The following DNAH6 variants were observed in gnomAD, a reference collection of about 807,000 sequenced individuals.
DNAH6 encodes the protein axonemal beta dynein heavy chain 6.
DNAH6 carries 340 observed loss-of-function variants against 491.4 expected under a neutral mutation model. The observed-to-expected ratio is 0.69, with a 90% CI of 0.63 to 0.76. The LOEUF (loss-of-function observed/expected upper bound fraction) is 0.76, where lower values mean the gene tolerates loss of function less well. Ranked by LOEUF, DNAH6 falls within the 30% of genes least tolerant of loss-of-function variation. DNAH6 has a pLI of 0.00. For missense variants in DNAH6, 4,443 were observed against 4,972.2 expected, an observed-to-expected ratio of 0.89 and a Z score of 3.20; for synonymous variants, 1,603 against 1,686.1, an observed-to-expected ratio of 0.95 and a Z score of 1.21.
the DNAH6 span, among the ~76,000 whole-genome samples, chr2:84,500,451 A>G: frequency 6.6e-6 from 1 of 152,206 alleles, no homozygotes; most frequent in African/African-American, 2.4e-5. Flanking sequence ...TATAAACTGA[A>G]GTCAGGTAAT....
chr2:84,733,808 A>G (rs1699307589), intron 62 of DNAH6, among the ~76,000 whole-genome samples: 1 of 151,690 alleles, frequency 6.6e-6, no homozygotes, highest in Admixed American at 6.6e-5. Context: ...CACACACCAT[A>G]TATTTTATGT....
At chr2:84,490,205 G>A in the DNAH6 span, among the ~76,000 whole-genome samples, 1 of 143,348 alleles carries the variant, frequency 7.0e-6, no homozygotes, top group Non-Finnish European at 1.5e-5. Flanking sequence ...TCATGTTATT[G>A]CTGAACTTCT....
Position 84,745,639 on chromosome 2 carries a change from C to A in DNAH6, c.10512+390C>A, listed in dbSNP as rs192831102. Among the ~76,000 whole-genome samples the A allele has an allele frequency of 9.4e-4, 138 of 146,462 alleles. No homozygotes were observed. In the South Asian group the frequency reaches 0.01, roughly 11 times the overall value. On this transcript the variant is annotated intron_variant, in intron 63 of 76. Coordinates refer to ENST00000389394, the MANE Select transcript of DNAH6 (RefSeq NM_001370.2). ...CGAGATCGCGCCACTGCACTCCAGC[C>A]TGGGCAACAGAGCGAGACACTGTCT...
chr2:84,579,985 G>A (rs1573088362), intron 14 of DNAH6, among the ~76,000 whole-genome samples: 1 of 152,158 alleles, frequency 6.6e-6, no homozygotes, highest in Non-Finnish European at 1.5e-5. Flanking sequence ...AAAACAGGAT[G>A]TGTGATCCGA....
the DNAH6 span, among the ~76,000 whole-genome samples, chr2:84,471,181 C>G: frequency 6.6e-6 from 1 of 152,142 alleles, no homozygotes; most frequent in Non-Finnish European, 1.5e-5. Flanking sequence ...AACATGCTCC[C>G]CTTCTCTTTT....
At position 84,745,150 on chromosome 2, in the gene DNAH6, C is replaced by T; in HGVS notation, c.10413C>T (p.His3471=). 1 of 1,549,020 alleles carries T rather than the reference C, an allele frequency of 6.5e-7. No individual in the cohort carries two copies. ...CTAAAATGAAACACGAAGATAAACA[C>T]ATGAGACAGGAAAAGGAGGCAGCAC... The part of the protein sequence containing the change: ...GYSKMKHEDK[H]MRQEKEAAHQ... Residue 3471 remains histidine (H), a synonymous_variant, in exon 63 of 77, where the codon CAC becomes CAT. Coordinates refer to ENST00000389394, the MANE Select transcript of DNAH6 (RefSeq NM_001370.2).
chr2:84,621,753 T>G (rs957681238), intron 26 of DNAH6, among the ~76,000 whole-genome samples: 2 of 152,186 alleles, frequency 1.3e-5, no homozygotes, highest in African/African-American at 4.8e-5. Flanking sequence ...TGTGTAGTAT[T>G]TATGTGAATA....
At chr2:84,787,423 T>C in intron 68 of DNAH6, 121 bp downstream of exon 68, 1 of 699,840 alleles carries the variant, frequency 1.4e-6, no homozygotes, top group South Asian at 2.2e-5. Flanking sequence ...GATGATGATA[T>C]TTTATGTTCC....
chr2:84,505,169 T>A, the DNAH6 span, among the ~76,000 whole-genome samples: 4 of 152,342 alleles, frequency 2.6e-5, no homozygotes, highest in East Asian at 7.7e-4. Flanking sequence ...TGCAAGTACA[T>A]AGGAATACAA....
chr2:84,611,783 A>C lies in DNAH6; in HGVS notation c.3404A>C (p.Asp1135Ala). 6.4e-7 allele frequency: 1 copy of C among 1,551,272 alleles called. No individual in the cohort carries two copies. Among genetic ancestry groups the C allele is most frequent in the Non-Finnish European group, 8.7e-7 (1 of 1,146,690 alleles). The change falls in exon 22 of 77, where the codon GAT becomes GCT. Residue 1135 changes from aspartate to alanine, a missense_variant. By Grantham distance (126) the Asp-to-Ala change is moderately radical (BLOSUM62 -2). Around this residue, in one of 3 missense-constraint regions of DNAH6, gnomAD observed 2,977 missense variants for 3,296.6 expected, o/e 0.90. Coordinates refer to ENST00000389394, the MANE Select transcript of DNAH6 (RefSeq NM_001370.2). ...PAEAKMFLQV[D>A]KSWKEIMRKV... ...GAGGCCAAGATGTTCCTTCAGGTGG[A>C]TAAGTCATGGAAAGAAATCATGAGA... is the stretch of plus-strand genomic sequence containing the variant.
At chr2:84,760,028 C>A (rs1448371647) in intron 63 of DNAH6, among the ~76,000 whole-genome samples, 2 of 152,134 alleles carry the variant, frequency 1.3e-5, no homozygotes, top group African/African-American at 4.8e-5. Context: ...TGCAGCCAAC[C>A]AGTCTTTGGC....
intron 68 of DNAH6, among the ~76,000 whole-genome samples, chr2:84,795,967 T>C (rs1678304040): frequency 6.6e-6 from 1 of 152,210 alleles, no homozygotes; most frequent in Non-Finnish European, 1.5e-5. Flanking sequence ...TGTGTATGTT[T>C]TAGAATACTG....
intron 19 of DNAH6, 117 bp downstream of exon 19, chr2:84,604,668 C>A: frequency 2.8e-6 from 2 of 725,992 alleles, no homozygotes; most frequent in Non-Finnish European, 2.2e-6. Flanking sequence ...CTCTCATTAT[C>A]AGTCATCCCT....
chr2:84,585,236 C>A (rs1459973479), intron 15 of DNAH6, among the ~76,000 whole-genome samples: 2 of 152,162 alleles, frequency 1.3e-5, no homozygotes, highest in East Asian at 1.9e-4. Flanking sequence ...ATCTATGTAT[C>A]CACTACTCAT....
intron 44 of DNAH6, among the ~76,000 whole-genome samples, chr2:84,688,041 C>T (rs916434177): frequency 6.6e-6 from 1 of 151,966 alleles, no homozygotes; most frequent in African/African-American, 2.4e-5. Context: ...TCGAGATCAG[C>T]CTGGCCAACA....
intron 41 of DNAH6, among the ~76,000 whole-genome samples, chr2:84,678,725 A>G (rs1160315353): frequency 1.3e-5 from 2 of 152,192 alleles, no homozygotes; most frequent in Non-Finnish European, 2.9e-5. Context: ...CAAGCACATC[A>G]TAGCTAAAAA....
the DNAH6 span, among the ~76,000 whole-genome samples, chr2:84,492,993 T>C: frequency 6.6e-6 from 1 of 152,080 alleles, no homozygotes. Flanking sequence ...TTTCTATATA[T>C]ACTGTATATT....
At chr2:84,547,214 AC>A (rs1350766694) in intron 5 of DNAH6, 53 bp from the exon 6 acceptor site, 1 of 1,408,988 alleles carries the variant, frequency 7.1e-7, no homozygotes, top group East Asian at 2.5e-5. Context: ...AATGTTCTAT[AC>A]TTTTAAAATA....
chr2:84,697,458 A>G, intron 46 of DNAH6, 117 bp from the exon 47 acceptor site: 1 of 1,131,766 alleles, frequency 8.8e-7, no homozygotes, highest in Non-Finnish European at 1.2e-6. Flanking sequence ...TGAAATTTTT[A>G]AGATTATCTT....
Sources: allele counts gnomAD v4.1 joint callset (sites outside exome capture counted in the v4.1 genomes callset), GRCh38; gene constraint gnomAD v4.1.1; regional missense constraint gnomAD v4.1.1; transcripts MANE v1.5; gene names NCBI Gene and HGNC (gene_info 2026-07-23, HGNC 2026-07-21).